Variants in HECTD2 observed in about 807,000 individuals in gnomAD.
The protein encoded by HECTD2 is HECT domain E3 ubiquitin protein ligase 2.
A neutral mutation model predicts 103.2 loss-of-function variants in HECTD2; 35 were observed. The observed-to-expected ratio is 0.34, with a 90% confidence interval of 0.26 to 0.45. The LOEUF (loss-of-function observed/expected upper bound fraction) is 0.45, where lower values mean the gene tolerates loss of function less well. Among genes scored for constraint, HECTD2 ranks in the 20% least tolerant of loss-of-function variants. The probability of loss-of-function intolerance (pLI) is 1.00; values close to 1 mark genes in which losing one functional copy is unlikely to be tolerated. For synonymous variants in HECTD2, 281 were observed against 329.9 expected, an observed-to-expected ratio of 0.85 and a Z score of 1.61; for missense variants, 596 against 937.4, an observed-to-expected ratio of 0.64 and a Z score of 4.76.
chr10:91,417,686 G>T (rs1468545903), intron 1 of HECTD2, among the ~76,000 whole-genome samples: 1 of 151,786 alleles, frequency 6.6e-6, no homozygotes, highest in Admixed American at 6.6e-5. Flanking sequence ...CCCTACAAAG[G>T]ACATGAACTC....
chr10:91,499,318 TC>T (rs2133345827), intron 18 of HECTD2, among the ~76,000 whole-genome samples, 168 bp downstream of exon 18: 1 of 152,246 alleles, frequency 6.6e-6, no homozygotes, highest in South Asian at 2.1e-4. Flanking sequence ...CAGTCTTAAT[TC>T]TTTAGAGGGG....
At chr10:91,423,554 G>A (rs758664375) in intron 1 of HECTD2, among the ~76,000 whole-genome samples, 10 of 152,134 alleles carry the variant, frequency 6.6e-5, no homozygotes, top group Non-Finnish European at 1.5e-4. Context: ...TTTACTCATG[G>A]AAGTGTCCCT....
intron 1 of HECTD2, among the ~76,000 whole-genome samples, chr10:91,412,477 A>G (rs1402235507): frequency 1.3e-5 from 2 of 149,816 alleles, no homozygotes; most frequent in Admixed American, 6.6e-5. Context: ...TCTTTTTGAG[A>G]CGGAGTCTTG....
chr10:91,411,134 CAT>C (rs1475105670), intron 1 of HECTD2, among the ~76,000 whole-genome samples: 1 of 152,146 alleles, frequency 6.6e-6, no homozygotes, highest in African/African-American at 2.4e-5. Flanking sequence ...ATGGTACAGA[CAT>C]GTGACTCAGG....
intron 2 of HECTD2, among the ~76,000 whole-genome samples, chr10:91,444,666 G>A (rs1368379836): frequency 2.0e-5 from 3 of 152,262 alleles, no homozygotes; most frequent in Admixed American, 2.0e-4. Context: ...CTTTCTGCCT[G>A]TTCTCACAGA....
intron 5 of HECTD2, among the ~76,000 whole-genome samples, chr10:91,476,897 C>T (rs1026844975): frequency 6.6e-6 from 1 of 151,856 alleles, no homozygotes; most frequent in Non-Finnish European, 1.5e-5. Flanking sequence ...CCTGCGGGTC[C>T]GGGCCGGGCG....
chr10:91,410,320 A>C (rs1045873644), upstream of HECTD2: 3 of 430,004 alleles, frequency 7.0e-6, no homozygotes, highest in Non-Finnish European at 9.6e-6. Context: ...TGGCGGCGGC[A>C]GCGGCGGCTA....
chr10:91,477,771 T>C (rs766994851), intron 5 of HECTD2, among the ~76,000 whole-genome samples: 5 of 152,230 alleles, frequency 3.3e-5, no homozygotes, highest in African/African-American at 7.2e-5. Flanking sequence ...TCTAAATGTA[T>C]TTTATTTTCA....
At chr10:91,412,227 T>C (rs1842939284) in intron 1 of HECTD2, among the ~76,000 whole-genome samples, 1 of 152,198 alleles carries the variant, frequency 6.6e-6, no homozygotes, top group Non-Finnish European at 1.5e-5. Context: ...GTCAGTAGCG[T>C]CATGTCATTT....
In HECTD2 at chr10:91,410,658, G is replaced by A. The variant is rs1018891273; in HGVS notation, c.138+82G>A. The stretch of plus-strand genomic sequence containing the variant: ...GCGGCCGGGCGAGGGCCGTCAGGAG[G>A]CCTGCGTTTACCCTGGGCACGCCCT... On this transcript the variant is annotated intron_variant, in intron 1 of 20. Transcript: ENST00000298068. 1.1e-5 allele frequency: 14 copies of A among 1,257,636 alleles called. No individual in the cohort carries two copies. In the Admixed American group the frequency reaches 3.3e-4, roughly 30 times the overall value. 77.9% of individuals were successfully genotyped at this position (1,257,636 alleles called of 1,614,324 possible). A position where few individuals can be genotyped will look rare whatever the true frequency, so the allele number is the denominator to read the frequency against.
chr10:91,435,237 C>T lies in HECTD2; in HGVS notation c.268+9827C>T, dbSNP rs540750746. Reference sequence around the variant, plus strand: ...AACTATTGTTCCCTTTTTTATAGTTCCCTCTGTGTGAATGAGTCCTGAGAA... The same window carrying T: ...AACTATTGTTCCCTTTTTTATAGTTTCCTCTGTGTGAATGAGTCCTGAGAA... On this transcript the variant is annotated intron_variant, in intron 2 of 20. Coordinates refer to ENST00000298068, the MANE Select transcript of HECTD2 (RefSeq NM_182765.6). 2.6e-5 allele frequency among the ~76,000 whole-genome samples: 4 copies of T among 151,992 alleles called. No individual in the cohort carries two copies. In the East Asian group the frequency reaches 7.8e-4, roughly 29 times the overall value.
At chr10:91,410,141 G>A (rs1589448088), upstream of HECTD2, 2 of 151,958 alleles carry the variant, frequency 1.3e-5, no homozygotes, top group East Asian at 3.9e-4. Flanking sequence ...GGTTGACGAG[G>A]GGGACTACCG....
chr10:91,423,595 CA>C (rs1284072851), intron 1 of HECTD2, among the ~76,000 whole-genome samples: 1 of 152,090 alleles, frequency 6.6e-6, no homozygotes, highest in Non-Finnish European at 1.5e-5. Flanking sequence ...ATTACATCTC[CA>C]TTGCTTGTTA....
At chr10:91,456,513 C>T (rs1224116719) in intron 2 of HECTD2, among the ~76,000 whole-genome samples, 1 of 152,172 alleles carries the variant, frequency 6.6e-6, no homozygotes, top group Admixed American at 6.6e-5. Flanking sequence ...ACAATCATGT[C>T]ATCTGCAAAC....
At chr10:91,425,656 AAAT>A (rs1439753759) in intron 2 of HECTD2, among the ~76,000 whole-genome samples, 1 of 150,784 alleles carries the variant, frequency 6.6e-6, no homozygotes, top group East Asian at 1.9e-4. Flanking sequence ...ATTATAAATA[AAAT>A]AATATACATA....
chr10:91,459,381 A>C (rs1432835289), intron 2 of HECTD2, among the ~76,000 whole-genome samples: 2 of 152,074 alleles, frequency 1.3e-5, no homozygotes, highest in Non-Finnish European at 2.9e-5. Context: ...TAACCTCTAC[A>C]CAAATGTTTC....
At chr10:91,490,962 C>T (rs1846456823) in intron 11 of HECTD2, among the ~76,000 whole-genome samples, 1 of 134,298 alleles carries the variant, frequency 7.4e-6, no homozygotes. Context: ...TTTTTTATTA[C>T]AGAAGGTGAA....
chr10:91,418,633 A>G (rs1430662322), intron 1 of HECTD2, among the ~76,000 whole-genome samples: 2 of 152,168 alleles, frequency 1.3e-5, no homozygotes, highest in South Asian at 2.1e-4. Context: ...TCAGCATTTC[A>G]TGATTTTGTA....
chr10:91,411,180 C>A (rs1324361424), intron 1 of HECTD2, among the ~76,000 whole-genome samples: 1 of 151,916 alleles, frequency 6.6e-6, no homozygotes, highest in Non-Finnish European at 1.5e-5. Flanking sequence ...TTATTTAAAC[C>A]CAAGTTATCT....
Sources: gnomAD v4.1 joint callset for allele counts (sites outside exome capture counted in the v4.1 genomes callset) on GRCh38, gnomAD v4.1.1 for gene constraint, MANE v1.5 for transcripts, NCBI Gene and HGNC (gene_info 2026-07-23, HGNC 2026-07-21) for gene names.